CNTN4: variants seen among roughly 807,000 people sequenced by gnomAD.
The protein encoded by CNTN4 is contactin-4.
CNTN4 carries 77 observed loss-of-function variants against 122.5 expected under a neutral mutation model. That is an observed-to-expected ratio of 0.63 (90% CI 0.52 to 0.76). The LOEUF (loss-of-function observed/expected upper bound fraction) is 0.76. CNTN4 is among the 30% of genes least tolerant of loss of function. The pLI, the probability that CNTN4 is intolerant of heterozygous loss-of-function variation, is 0.00. For synonymous variants in CNTN4, 512 were observed against 447.0 expected, an observed-to-expected ratio of 1.15 and a Z score of -1.83; for missense variants, 1,256 against 1,259.1, an observed-to-expected ratio of 1.00 and a Z score of 0.04.
chr3:2,411,129 G>A lies in CNTN4; in HGVS notation c.-89+71896G>A, dbSNP rs552141417. The stretch of plus-strand genomic sequence containing the variant: ...CTCACTTATAAGTGGGAGCACGTAT[G>A]AGAACACACAGACACAGGGCAACAC... On this transcript the variant is annotated intron_variant, in intron 3 of 24. Transcript: ENST00000418658. Among the ~76,000 whole-genome samples the A allele has an allele frequency of 1.5e-3, 232 of 152,272 alleles. 2 individuals carry two copies. The highest frequency in any genetic ancestry group is 5.1e-3 in the African/African-American group (213 of 41,558).
At chr3:3,025,381 A>G (rs1306895044) in intron 14 of CNTN4, among the ~76,000 whole-genome samples, 1 of 152,192 alleles carries the variant, frequency 6.6e-6, no homozygotes, top group East Asian at 1.9e-4. Flanking sequence ...TAAAATGCCA[A>G]CTAGTTTCAA....
chr3:2,556,839 G>A (rs2078741218), intron 3 of CNTN4, among the ~76,000 whole-genome samples: 1 of 152,078 alleles, frequency 6.6e-6, no homozygotes. Flanking sequence ...TTAGTTAGTG[G>A]CTGCTATGGT....
At chr3:2,802,316 A>G (rs62234185) in intron 6 of CNTN4, among the ~76,000 whole-genome samples, 8,105 of 152,296 alleles carry the variant, frequency 0.053, 300 homozygotes, top group Non-Finnish European at 0.079. Flanking sequence ...CTGAGGTTGA[A>G]CAAAGTGACA....
At chr3:2,305,796 C>G (rs571773727) in intron 2 of CNTN4, among the ~76,000 whole-genome samples, 1 of 152,160 alleles carries the variant, frequency 6.6e-6, no homozygotes, top group Non-Finnish European at 1.5e-5. Flanking sequence ...CCATATTTAC[C>G]TGTCCATCAA....
At chr3:2,329,413 A>T (rs907609010) in intron 2 of CNTN4, among the ~76,000 whole-genome samples, 6 of 152,228 alleles carry the variant, frequency 3.9e-5, no homozygotes, top group Non-Finnish European at 7.3e-5. Flanking sequence ...CACCCACTGC[A>T]TAGTTATCTA....
At chr3:2,718,055 A>G (rs1559424201) in intron 4 of CNTN4, among the ~76,000 whole-genome samples, 1 of 152,094 alleles carries the variant, frequency 6.6e-6, no homozygotes, top group African/African-American at 2.4e-5. Context: ...CATATGTTGA[A>G]TACTAGATTA....
intron 13 of CNTN4, among the ~76,000 whole-genome samples, chr3:2,957,329 T>C (rs2094810536): frequency 6.6e-6 from 1 of 152,186 alleles, no homozygotes; most frequent in South Asian, 2.1e-4. Flanking sequence ...TAGTAGTCAT[T>C]CTTAGCGGTG....
intron 2 of CNTN4, among the ~76,000 whole-genome samples, chr3:2,233,260 G>A (rs2039556682): frequency 6.6e-6 from 1 of 151,964 alleles, no homozygotes; most frequent in South Asian, 2.1e-4. Context: ...ATCCACTGTT[G>A]ACTCTTCACT....
intron 4 of CNTN4, among the ~76,000 whole-genome samples, chr3:2,664,240 T>C (rs998936286): frequency 6.6e-6 from 1 of 152,172 alleles, no homozygotes; most frequent in Admixed American, 6.6e-5. Flanking sequence ...TTTGGGGTAA[T>C]AGAAATACAT....
At chr3:3,032,710 G>A (rs566136854) in intron 16 of CNTN4, among the ~76,000 whole-genome samples, 270 of 152,294 alleles carry the variant, frequency 1.8e-3, no homozygotes, top group Non-Finnish European at 2.9e-3. Flanking sequence ...AGCCAGAAAG[G>A]CCACCCTTCC....
At chr3:2,396,593 G>A (rs2046648889) in intron 3 of CNTN4, among the ~76,000 whole-genome samples, 1 of 151,346 alleles carries the variant, frequency 6.6e-6, no homozygotes, top group South Asian at 2.1e-4. Flanking sequence ...CTACCATGAT[G>A]CCACAAGAAA....
chr3:2,217,965 T>G (rs574913452), intron 2 of CNTN4, among the ~76,000 whole-genome samples: 4 of 152,232 alleles, frequency 2.6e-5, no homozygotes, highest in African/African-American at 9.6e-5. Context: ...GGGAGTCAAG[T>G]AACAGATAAA....
chr3:2,404,492 T>A (rs181215320), intron 3 of CNTN4, among the ~76,000 whole-genome samples: 3 of 152,262 alleles, frequency 2.0e-5, no homozygotes, highest in South Asian at 2.1e-4. Flanking sequence ...GTAGAGTTCT[T>A]CTCACATTCT....
chr3:2,401,496 GT>G (rs1419999932), intron 3 of CNTN4, among the ~76,000 whole-genome samples: 1 of 152,036 alleles, frequency 6.6e-6, no homozygotes, highest in African/African-American at 2.4e-5. Flanking sequence ...ACTTTATTAT[GT>G]TTTTGTGTGT....
chr3:2,165,365 T>C lies in CNTN4; in HGVS notation c.-145+64726T>C, dbSNP rs2036151349. 2.0e-5 allele frequency among the ~76,000 whole-genome samples: 3 copies of C among 152,088 alleles called. No individual in the cohort carries two copies. In the East Asian group the frequency reaches 5.8e-4, roughly 29 times the overall value. ...AAAACAAAAACCACCTAATGAGATTTTCTTTCCCCAGCTTTATTGAAGAAT... is the reference window on the plus strand; with the variant it reads ...AAAACAAAAACCACCTAATGAGATTCTCTTTCCCCAGCTTTATTGAAGAAT... On this transcript the variant is annotated intron_variant, in intron 2 of 24. Coordinates refer to ENST00000418658, the MANE Select transcript of CNTN4 (RefSeq NM_175607.3).
At chr3:2,120,369 ATAT>A (rs1366078285) in intron 2 of CNTN4, among the ~76,000 whole-genome samples, 2 of 48,100 alleles carry the variant, frequency 4.2e-5, no homozygotes, top group African/African-American at 1.3e-4. Context: ...ATATATATAT[ATAT>A]AAATATATAT....
At chr3:2,190,880 A>G (rs1354471070) in intron 2 of CNTN4, among the ~76,000 whole-genome samples, 1 of 151,280 alleles carries the variant, frequency 6.6e-6, no homozygotes, top group Non-Finnish European at 1.5e-5. Context: ...CACACACACC[A>G]CTACCTTAGT....
intron 3 of CNTN4, among the ~76,000 whole-genome samples, chr3:2,527,436 T>TGCTGCTGCTGCTGCTGC (rs34375682): frequency 0.014 from 2,101 of 149,748 alleles, no homozygotes; most frequent in Middle Eastern, 0.038. Flanking sequence ...GCTGCTGCTG[T>TGCTGCTGCTGCTGCTGC]TGCTGTTATT....
chr3:2,101,999 G>A (rs2032005854), intron 2 of CNTN4, among the ~76,000 whole-genome samples: 1 of 152,184 alleles, frequency 6.6e-6, no homozygotes, highest in Non-Finnish European at 1.5e-5. Context: ...GTAACAAATA[G>A]ATTAAGCACA....
Sources: allele counts gnomAD v4.1 joint callset (sites outside exome capture counted in the v4.1 genomes callset), GRCh38; gene constraint gnomAD v4.1.1; transcripts MANE v1.5; gene names NCBI Gene and HGNC (gene_info 2026-07-23, HGNC 2026-07-21).